The following HMCN1 variants were observed in gnomAD, a reference collection of about 807,000 sequenced individuals.
HMCN1 encodes the protein hemicentin-1.
HMCN1 carries 321 observed loss-of-function variants against 625.9 expected under a neutral mutation model. That is an observed-to-expected ratio of 0.51 (90% confidence interval 0.47 to 0.56). The LOEUF is 0.56. Among genes scored for constraint, HMCN1 ranks in the 20% least tolerant of loss-of-function variants. The pLI is 0.00. For missense variants in HMCN1, 6,588 were observed against 6,887.3 expected, an observed-to-expected ratio of 0.96 and a Z score of 1.54; for synonymous variants, 2,425 against 2,417.6, an observed-to-expected ratio of 1.00 and a Z score of -0.09.
intron 64 of HMCN1, among the ~76,000 whole-genome samples, chr1:186,092,421 G>A (rs1659892858): frequency 6.6e-6 from 1 of 151,770 alleles, no homozygotes; most frequent in African/African-American, 2.4e-5. Context: ...TAATAGAAAT[G>A]GAGCTTTTAC....
chr1:186,172,271 T>G (rs930391517), intron 102 of HMCN1, 140 bp downstream of exon 102: 1 of 1,178,982 alleles, frequency 8.5e-7, no homozygotes, highest in African/African-American at 1.5e-5. Context: ...TCCCAACTTC[T>G]AGGATAATTG....
Position 186,078,486 on chromosome 1 carries a change from G to A in HMCN1, c.8599+266G>A, listed in dbSNP as rs2102368749. Among the ~76,000 whole-genome samples, 3 of 152,274 alleles carry A rather than the reference G, an allele frequency of 2.0e-5. 1 individual carries two copies. The South Asian group carries it at 6.2e-4, about 32-fold the overall frequency. On this transcript the variant is annotated intron_variant, in intron 55 of 106. Transcript: ENST00000271588. ...TGAATCAGAAAAGTCCCAAAATAGA[G>A]CTGGCTACAGTCATGTCTGACTTCT... is the stretch of plus-strand genomic sequence containing the variant.
At chr1:186,124,635 T>C (rs1661559014) in intron 81 of HMCN1, among the ~76,000 whole-genome samples, 1 of 152,074 alleles carries the variant, frequency 6.6e-6, no homozygotes, top group Admixed American at 6.6e-5. Flanking sequence ...GTATATTTAA[T>C]CATATAATCA....
chr1:185,794,345 A>T (rs947752344), intron 1 of HMCN1, among the ~76,000 whole-genome samples: 15 of 149,744 alleles, frequency 1.0e-4, no homozygotes, highest in Admixed American at 2.7e-4. Context: ...AGGATAGATT[A>T]TATATATATA....
intron 1 of HMCN1, among the ~76,000 whole-genome samples, chr1:185,812,117 G>C (rs1659557955): frequency 6.6e-6 from 1 of 151,758 alleles, no homozygotes; most frequent in Non-Finnish European, 1.5e-5. Flanking sequence ...AACATTAAAA[G>C]TTTTTATCTG....
intron 36 of HMCN1, among the ~76,000 whole-genome samples, chr1:186,024,510 A>G (rs1654932460): frequency 6.6e-6 from 1 of 152,142 alleles, no homozygotes; most frequent in Non-Finnish European, 1.5e-5. Flanking sequence ...TTACTGGCTA[A>G]GAGGAAACAG....
intron 4 of HMCN1, among the ~76,000 whole-genome samples, chr1:185,894,583 G>C (rs554506443): frequency 4.2e-4 from 64 of 152,306 alleles, no homozygotes; most frequent in South Asian, 3.7e-3. Context: ...TTTTTCCAAA[G>C]TTGTTTCCAT....
intron 63 of HMCN1, 80 bp downstream of exon 63, chr1:186,088,835 A>T (rs1470140146): frequency 1.5e-6 from 2 of 1,338,548 alleles, no homozygotes; most frequent in African/African-American, 1.5e-5. Flanking sequence ...ATTTAAAGGT[A>T]TCAGTAGTAA....
At chr1:186,169,091 A>G (rs1398549246) in intron 100 of HMCN1, among the ~76,000 whole-genome samples, 1 of 152,210 alleles carries the variant, frequency 6.6e-6, no homozygotes, top group Non-Finnish European at 1.5e-5. Context: ...TGCAAAGGAC[A>G]TGAACTTATC....
At chr1:186,172,156 CTG>C (rs1415822875) in intron 102 of HMCN1, 25 bp downstream of exon 102, 2 of 1,613,040 alleles carry the variant, frequency 1.2e-6, no homozygotes, top group Non-Finnish European at 1.7e-6. Context: ...GTTTCCGTGA[CTG>C]AGATCAGTTT....
At chr1:185,947,322 T>C (rs567254919) in intron 11 of HMCN1, among the ~76,000 whole-genome samples, 1 of 152,198 alleles carries the variant, frequency 6.6e-6, no homozygotes, top group East Asian at 1.9e-4. Context: ...ATGGCTAGTG[T>C]ACCCAAGGAA....
intron 57 of HMCN1, among the ~76,000 whole-genome samples, chr1:186,083,492 C>T (rs1383466098): frequency 3.3e-5 from 3 of 92,092 alleles, no homozygotes; most frequent in Non-Finnish European, 5.8e-5. Context: ...ATAAATACCA[C>T]TTTTTGCTAA....
At chr1:186,161,820 G>A (rs1020184594) in intron 97 of HMCN1, among the ~76,000 whole-genome samples, 2 of 152,192 alleles carry the variant, frequency 1.3e-5, no homozygotes, top group African/African-American at 4.8e-5. Context: ...CCCTTTGTGG[G>A]TAACCCAACC....
chr1:185,782,101 T>A (rs1657163728), intron 1 of HMCN1, among the ~76,000 whole-genome samples: 1 of 152,214 alleles, frequency 6.6e-6, no homozygotes, highest in African/African-American at 2.4e-5. Flanking sequence ...CATTATGTAA[T>A]GGCCTTCTTT....
Position 185,734,998 on chromosome 1 carries a change from A to G in HMCN1, c.219A>G (p.Arg73=). The change falls in exon 1 of 107, where the codon AGA becomes AGG. Residue 73 remains arginine (R), a synonymous_variant. Coordinates refer to ENST00000271588, the MANE Select transcript of HMCN1 (RefSeq NM_031935.3). ...AAATTTTGGAGACGTCTTTGAAAAGACCTAAAAGACCTCTTTTCAACTTTG... is the reference window on the plus strand; with the variant it reads ...AAATTTTGGAGACGTCTTTGAAAAGGCCTAAAAGACCTCTTTTCAACTTTG... The part of the protein sequence containing the change: ...ASKILETSLK[R]PKRPLFNFAL... The G allele has an allele frequency of 1.2e-6, 2 of 1,614,094 alleles. No homozygotes were observed. The highest frequency in any genetic ancestry group is 1.6e-4 in the Middle Eastern group (1 of 6,062).
chr1:186,128,017 G>T, intron 82 of HMCN1, 61 bp from the exon 83 acceptor site: 3 of 1,385,726 alleles, frequency 2.2e-6, no homozygotes, highest in Non-Finnish European at 3.1e-6. Context: ...GCAATTTGAT[G>T]TATTTTATGT....
chr1:185,927,456 C>T (rs2102485293), intron 9 of HMCN1, among the ~76,000 whole-genome samples: 1 of 152,312 alleles, frequency 6.6e-6, no homozygotes, highest in Non-Finnish European at 1.5e-5. Context: ...TGAATTTTCT[C>T]AGCTACTAAA....
chr1:186,028,170 A>G (rs927899499), intron 36 of HMCN1, among the ~76,000 whole-genome samples: 9 of 152,198 alleles, frequency 5.9e-5, no homozygotes, highest in Non-Finnish European at 1.3e-4. Flanking sequence ...GATTGAAGTA[A>G]TAGGCAAAAT....
chr1:185,818,409 A>G (rs925660401), intron 1 of HMCN1, among the ~76,000 whole-genome samples: 2 of 152,068 alleles, frequency 1.3e-5, no homozygotes, highest in African/African-American at 4.8e-5. Context: ...TTAGCTTCTT[A>G]TCACTATTTG....
Sources: allele counts gnomAD v4.1 joint callset (sites outside exome capture counted in the v4.1 genomes callset), GRCh38; gene constraint gnomAD v4.1.1; transcripts MANE v1.5; gene names NCBI Gene and HGNC (gene_info 2026-07-23, HGNC 2026-07-21).